PUM1: variants seen among roughly 807,000 people sequenced by gnomAD.
The protein encoded by PUM1 is pumilio homolog 1.
A neutral mutation model predicts 131.8 loss-of-function variants in PUM1; 13 were observed. The observed-to-expected ratio is 0.10, with a 90% CI of 0.06 to 0.16. The LOEUF is 0.16. PUM1 is among the 10% of genes least tolerant of loss of function. The pLI, the probability that PUM1 is intolerant of heterozygous loss-of-function variation, is 1.00. For synonymous variants in PUM1, 509 were observed against 556.5 expected, an observed-to-expected ratio of 0.91 and a Z score of 1.20; for missense variants, 961 against 1,512.4, an observed-to-expected ratio of 0.64 and a Z score of 6.05.
chr1:31,039,092 G>A (rs1378652378), intron 2 of PUM1, among the ~76,000 whole-genome samples: 1 of 146,708 alleles, frequency 6.8e-6, no homozygotes, highest in Non-Finnish European at 1.5e-5. Flanking sequence ...AACCTGCCAG[G>A]TTCAAGCAGT....
At position 30,964,665 on chromosome 1, in the gene PUM1, G is replaced by T. The variant is rs1417714257; in HGVS notation, c.2323+9C>A. The T allele has an allele frequency of 6.3e-7, 1 of 1,595,876 alleles. No homozygotes were observed. Among genetic ancestry groups the T allele is most frequent in the African/African-American group, 1.3e-5 (1 of 74,496 alleles). On this transcript the variant is annotated intron_variant, in intron 14 of 21. Coordinates refer to ENST00000426105, the MANE Select transcript of PUM1 (RefSeq NM_001020658.2). ...GAGTTCAAGGTGGTGTTAGAGTAAT[G>T]GTTCTTACCCAGGTTTAAGCTTGAA...
At chr1:31,040,578 T>C (rs1643783804) in intron 2 of PUM1, among the ~76,000 whole-genome samples, 2 of 151,926 alleles carry the variant, frequency 1.3e-5, no homozygotes, top group East Asian at 3.9e-4. Flanking sequence ...ATAGCCGAAA[T>C]GGAGCGCCAG....
chr1:30,952,166 A>T, intron 16 of PUM1, 68 bp downstream of exon 16: 1 of 1,490,774 alleles, frequency 6.7e-7, no homozygotes, highest in Middle Eastern at 1.7e-4. Flanking sequence ...ATGCTTAAAA[A>T]GGCTAATGAA....
intron 2 of PUM1, among the ~76,000 whole-genome samples, chr1:31,038,984 A>ATATATTTTT: frequency 6.1e-5 from 3 of 49,420 alleles, no homozygotes; most frequent in African/African-American, 2.1e-4. Flanking sequence ...ATATATATAT[A>ATATATTTTT]TTTTTTTTTT....
At chr1:30,981,637 C>T (rs1364899041) in intron 7 of PUM1, among the ~76,000 whole-genome samples, 6 of 151,974 alleles carry the variant, frequency 3.9e-5, no homozygotes, top group Admixed American at 2.6e-4. Context: ...GAGCTGACCG[C>T]TTCACAGATT....
chr1:30,940,907 T>C (rs1311226495), intron 20 of PUM1, among the ~76,000 whole-genome samples: 1 of 152,200 alleles, frequency 6.6e-6, no homozygotes, highest in Non-Finnish European at 1.5e-5. Flanking sequence ...TTCATCAAAG[T>C]GTAACACTCA....
In PUM1 at chr1:31,027,759, A is replaced by T. The variant is rs1221556884; in HGVS notation, c.432+1037T>A. 2.0e-5 allele frequency among the ~76,000 whole-genome samples: 3 copies of T among 152,232 alleles called. No individual in the cohort carries two copies. The East Asian group carries it at 5.8e-4, about 29-fold the overall frequency. ...GGAATATTTGCTTCAAACTCAGAAG[A>T]GTAATTATCCTAATTTTGACCTCAG... On this transcript the variant is annotated intron_variant, in intron 3 of 21. Transcript: ENST00000426105.
intron 14 of PUM1, among the ~76,000 whole-genome samples, chr1:30,964,454 C>A (rs1340579528): frequency 1.3e-5 from 2 of 152,140 alleles, no homozygotes; most frequent in Non-Finnish European, 2.9e-5. Context: ...CTAAAGCTAA[C>A]TGAATATACA....
intron 18 of PUM1, 75 bp from the exon 19 acceptor site, chr1:30,942,198 T>TATATAC (rs1249667161): frequency 7.8e-5 from 2 of 25,668 alleles, no homozygotes; most frequent in Non-Finnish European, 2.0e-4. Flanking sequence ...TGTTTATATA[T>TATATAC]ATATATATAT....
intron 16 of PUM1, among the ~76,000 whole-genome samples, chr1:30,951,737 G>A (rs915697632): frequency 5.9e-5 from 9 of 152,150 alleles, no homozygotes; most frequent in African/African-American, 2.2e-4. Context: ...ATTAACAGAA[G>A]TAAAACAAGA....
chr1:31,047,118 G>A (rs1643987439), intron 2 of PUM1, among the ~76,000 whole-genome samples: 1 of 152,154 alleles, frequency 6.6e-6, no homozygotes, highest in African/African-American at 2.4e-5. Flanking sequence ...GAACCCGGGA[G>A]GTGGAAGCTG....
At chr1:30,982,590 T>A (rs907231028) in intron 7 of PUM1, among the ~76,000 whole-genome samples, 1 of 152,210 alleles carries the variant, frequency 6.6e-6, no homozygotes, top group African/African-American at 2.4e-5. Flanking sequence ...TGCTGGATGA[T>A]GTTTAACAGA....
At chr1:30,941,883 A>T in intron 19 of PUM1, 115 bp downstream of exon 19, 1 of 1,126,456 alleles carries the variant, frequency 8.9e-7, no homozygotes, top group Non-Finnish European at 1.3e-6. Context: ...CACAAGATTC[A>T]AGGGTATTTA....
chr1:31,032,205 C>T (rs1570313418), intron 2 of PUM1, among the ~76,000 whole-genome samples: 1 of 152,204 alleles, frequency 6.6e-6, no homozygotes, highest in Non-Finnish European at 1.5e-5. Context: ...ATACTGGGAG[C>T]TGTATTTTGT....
At chr1:31,024,110 A>G (rs1342376253) in intron 3 of PUM1, among the ~76,000 whole-genome samples, 2 of 152,136 alleles carry the variant, frequency 1.3e-5, no homozygotes, top group Admixed American at 6.5e-5. Flanking sequence ...TAGACCTGAA[A>G]AGGTCCTAGG....
intron 21 of PUM1, chr1:30,935,634 C>T (rs1639176008): frequency 2.2e-6 from 1 of 450,700 alleles, no homozygotes; most frequent in Admixed American, 2.4e-5. Context: ...ACTGCCAACA[C>T]CAGTGCAGTG....
At chr1:31,046,901 T>G (rs1643981983) in intron 2 of PUM1, among the ~76,000 whole-genome samples, 1 of 152,052 alleles carries the variant, frequency 6.6e-6, no homozygotes, top group African/African-American at 2.4e-5. Flanking sequence ...TAAGATTATA[T>G]TCACAGCAGG....
chr1:31,061,196 C>T (rs2124019927), intron 1 of PUM1, among the ~76,000 whole-genome samples: 1 of 152,294 alleles, frequency 6.6e-6, no homozygotes, highest in South Asian at 2.1e-4. Context: ...CAGTGGCTCA[C>T]TCCTGTCATC....
rs1639630448 is a variant in PUM1 at position 30,945,487 on chromosome 1, A to G, written c.2857-4T>C. The G allele has an allele frequency of 6.2e-7, 1 of 1,613,864 alleles. No homozygotes were observed. The highest frequency in any genetic ancestry group is 1.7e-5 in the Admixed American group (1 of 59,976). On this transcript the variant is annotated splice_region_variant and splice_polypyrimidine_tract_variant and intron_variant, in intron 17 of 21. Transcript: ENST00000426105. ...CTAGTTCCCGAACCATCTCATTCTA[A>G]TGGAGACAAAGAAAGCACCACCAGA... is the stretch of plus-strand genomic sequence containing the variant.
Sources: gnomAD v4.1 joint callset for allele counts (sites outside exome capture counted in the v4.1 genomes callset) on GRCh38, gnomAD v4.1.1 for gene constraint, MANE v1.5 for transcripts, NCBI Gene and HGNC (gene_info 2026-07-23, HGNC 2026-07-21) for gene names.